Variants in KANSL1L observed in about 807,000 individuals in gnomAD.
KANSL1L encodes KAT8 regulatory NSL complex subunit 1-like protein.
A neutral mutation model predicts 108.6 loss-of-function variants in KANSL1L; 25 were observed. The observed-to-expected ratio is 0.23, with a 90% confidence interval of 0.17 to 0.32. The LOEUF (loss-of-function observed/expected upper bound fraction) is 0.32. KANSL1L is among the 10% of genes least tolerant of loss of function. The probability of loss-of-function intolerance (pLI) is 1.00; values close to 1 mark genes in which losing one functional copy is unlikely to be tolerated. For synonymous variants in KANSL1L, 405 were observed against 395.1 expected (o/e 1.03, Z -0.30); for missense variants, 1,137 against 1,125.7 (o/e 1.01, Z -0.14).
chr2:210,055,562 T>C (rs957177772), intron 6 of KANSL1L, among the ~76,000 whole-genome samples: 4 of 152,188 alleles, frequency 2.6e-5, no homozygotes, highest in East Asian at 1.9e-4. Context: ...TCCCAGAGAA[T>C]TGCTGAATGG....
At chr2:210,132,125 A>G (rs1391912396) in intron 2 of KANSL1L, among the ~76,000 whole-genome samples, 1 of 152,190 alleles carries the variant, frequency 6.6e-6, no homozygotes, top group Non-Finnish European at 1.5e-5. Context: ...TCTAAAAAAA[A>G]TAAGATTGTT....
chr2:210,170,379 AG>A, intron 1 of KANSL1L: 1 of 985,500 alleles, frequency 1.0e-6, no homozygotes, highest in Non-Finnish European at 1.2e-6. Flanking sequence ...ACTCTCCCAG[AG>A]TAAGAAAACA....
chr2:210,126,689 A>G (rs569808114), intron 3 of KANSL1L, among the ~76,000 whole-genome samples: 47 of 152,274 alleles, frequency 3.1e-4, no homozygotes, highest in African/African-American at 1.1e-3. Context: ...TTGGTGGCAC[A>G]TGCCTGTAAT....
chr2:210,023,650 G>C (rs1451754962), intron 14 of KANSL1L, among the ~76,000 whole-genome samples: 1 of 152,214 alleles, frequency 6.6e-6, no homozygotes, highest in Non-Finnish European at 1.5e-5. Flanking sequence ...TGCAGTGTTA[G>C]AAAGCAGTCC....
chr2:210,070,224 CTTTTT>C (rs71043971), intron 6 of KANSL1L, among the ~76,000 whole-genome samples: 2 of 77,564 alleles, frequency 2.6e-5, no homozygotes, highest in Admixed American at 2.5e-4. Flanking sequence ...TTTCTCCGTT[CTTTTT>C]TTTTTTTTTT....
chr2:210,144,888 GTTGC>G (rs529878864), intron 2 of KANSL1L, among the ~76,000 whole-genome samples: 220 of 152,174 alleles, frequency 1.4e-3, no homozygotes, highest in Non-Finnish European at 2.3e-3. Context: ...GGCTTTTCAC[GTTGC>G]TTGTTACTTT....
At chr2:210,159,014 C>T (rs1207562038) in intron 1 of KANSL1L, among the ~76,000 whole-genome samples, 2 of 152,162 alleles carry the variant, frequency 1.3e-5, no homozygotes, top group African/African-American at 4.8e-5. Context: ...GTTTTGTTAA[C>T]TACTGTATCC....
chr2:210,043,114 A>G (rs192332540), intron 7 of KANSL1L, among the ~76,000 whole-genome samples: 4 of 152,284 alleles, frequency 2.6e-5, no homozygotes, highest in African/African-American at 9.6e-5. Flanking sequence ...CTGAAAATTT[A>G]AAACCACCTA....
intron 3 of KANSL1L, among the ~76,000 whole-genome samples, chr2:210,121,766 G>T (rs549992919): frequency 6.6e-6 from 1 of 152,136 alleles, no homozygotes; most frequent in Non-Finnish European, 1.5e-5. Flanking sequence ...TTGTTTGCAC[G>T]TGATATGATC....
intron 8 of KANSL1L, among the ~76,000 whole-genome samples, chr2:210,039,342 G>A (rs996098685): frequency 6.6e-6 from 1 of 151,852 alleles, no homozygotes; most frequent in African/African-American, 2.4e-5. Flanking sequence ...TAGTCCTCAT[G>A]TAGGTACTCG....
In KANSL1L at chr2:210,154,478, A is replaced by G. The variant is rs1377139587; in HGVS notation, c.105T>C (p.Thr35=). ...DKMLYMESPR[T]VDEKLKGDTF... is the part of the protein sequence containing the mutation. ...TGTCTCCCTTTAGCTTTTCATCTAC[A>G]GTTCTGGGACTTTCCATGTAGAGCA... Residue 35 remains threonine, a synonymous_variant, in exon 2 of 15, where the codon ACT becomes ACC. Coordinates refer to ENST00000281772, the MANE Select transcript of KANSL1L (RefSeq NM_152519.4). The G allele has an allele frequency of 2.5e-6, 4 of 1,613,312 alleles. No individual in the cohort carries two copies. Among genetic ancestry groups the G allele is most frequent in the South Asian group, 1.1e-5 (1 of 90,818 alleles).
intron 3 of KANSL1L, among the ~76,000 whole-genome samples, chr2:210,118,136 A>C (rs1423696124): frequency 6.8e-6 from 1 of 147,842 alleles, no homozygotes. Flanking sequence ...ATTGTACTCC[A>C]GCCTGGGCAA....
At chr2:210,031,915 A>G (rs886216480) in intron 8 of KANSL1L, among the ~76,000 whole-genome samples, 7 of 152,244 alleles carry the variant, frequency 4.6e-5, no homozygotes, top group African/African-American at 1.7e-4. Flanking sequence ...CAACATGGTC[A>G]GACTAGACTG....
At chr2:210,141,994 CTT>C (rs1052791722) in intron 2 of KANSL1L, among the ~76,000 whole-genome samples, 2 of 139,560 alleles carry the variant, frequency 1.4e-5, no homozygotes, top group Admixed American at 1.4e-4. Flanking sequence ...GGCCTATAAT[CTT>C]TTTTTTTTTT....
At chr2:210,073,824 G>A (rs2094524273) in intron 6 of KANSL1L, among the ~76,000 whole-genome samples, 1 of 150,468 alleles carries the variant, frequency 6.6e-6, no homozygotes, top group Non-Finnish European at 1.5e-5. Context: ...ATTCTCTATT[G>A]CCTTTTAAAT....
At chr2:210,146,496 G>A (rs554015936) in intron 2 of KANSL1L, among the ~76,000 whole-genome samples, 1 of 152,250 alleles carries the variant, frequency 6.6e-6, no homozygotes, top group South Asian at 2.1e-4. Context: ...TACTATTCTG[G>A]TTTCTCCATA....
intron 2 of KANSL1L, among the ~76,000 whole-genome samples, chr2:210,137,633 A>C (rs558085199): frequency 9.4e-4 from 143 of 152,310 alleles, no homozygotes; most frequent in African/African-American, 3.1e-3. Context: ...TACATGCATA[A>C]ATTTGAAATA....
chr2:210,115,285 A>G (rs2094943589), intron 3 of KANSL1L, among the ~76,000 whole-genome samples: 1 of 152,148 alleles, frequency 6.6e-6, no homozygotes, highest in Non-Finnish European at 1.5e-5. Flanking sequence ...TTAAATTAAA[A>G]AAGGTTACGA....
In KANSL1L at chr2:210,134,618, G is replaced by A. The variant is rs200057248; in HGVS notation, c.1089-5446C>T. ...AAAGCTTTGTTAGAGCATGTGTAGA[G>A]TAGCCACTACACTAAGGCAGTTATC... On this transcript the variant is annotated intron_variant, in intron 2 of 14. Coordinates refer to ENST00000281772, the MANE Select transcript of KANSL1L (RefSeq NM_152519.4). Among the ~76,000 whole-genome samples the A allele has an allele frequency of 7.9e-5, 12 of 152,212 alleles. No homozygotes were observed. The South Asian group carries it at 1.2e-3, about 16-fold the overall frequency.
Sources: allele counts gnomAD v4.1 joint callset (sites outside exome capture counted in the v4.1 genomes callset), GRCh38; gene constraint gnomAD v4.1.1; transcripts MANE v1.5; gene names NCBI Gene and HGNC (gene_info 2026-07-23, HGNC 2026-07-21).